The following ZMYM4 variants were observed in gnomAD, a reference collection of about 807,000 sequenced individuals.
The protein encoded by ZMYM4 is zinc finger MYM-type protein 4.
In ZMYM4, 31 loss-of-function variants were observed where a neutral mutation model predicts 183.2. That is an observed-to-expected ratio of 0.17 (90% confidence interval 0.13 to 0.23). The LOEUF (loss-of-function observed/expected upper bound fraction) is 0.23, where lower values mean the gene tolerates loss of function less well. ZMYM4 is among the 10% of genes least tolerant of loss of function. ZMYM4 has a pLI of 1.00. For missense variants in ZMYM4, 1,273 were observed against 1,840.3 expected (o/e 0.69, Z 5.64); for synonymous variants, 592 against 631.2 (o/e 0.94, Z 0.93).
At chr1:35,361,845 A>G (rs1241654424) in intron 5 of ZMYM4, 56 bp downstream of exon 5, 20 of 1,560,914 alleles carry the variant, frequency 1.3e-5, no homozygotes, top group Non-Finnish European at 1.7e-5. Context: ...TGAATTATTC[A>G]TTTGAGAGAG....
rs546754440 is a variant in ZMYM4, at chr1:35,300,354, A to T, written c.40-25006A>T. 1.7e-3 allele frequency among the ~76,000 whole-genome samples: 260 copies of T among 152,270 alleles called. 1 individual carries two copies. Among genetic ancestry groups the T allele is most frequent in the African/African-American group, 5.7e-3 (236 of 41,548 alleles). ...TACCATTTTCCCCCAGCTGCATTTA[A>T]GAATTCTCTATCACTTTTTATCAGG... is the stretch of plus-strand genomic sequence containing the variant. On this transcript the variant is annotated intron_variant, in intron 1 of 29. Transcript: ENST00000314607.
Position 35,381,303 on chromosome 1 carries a change from A to G in ZMYM4, c.1226A>G (p.Asn409Ser). The G allele has an allele frequency of 6.2e-7, 1 of 1,611,916 alleles. No individual in the cohort carries two copies. ...GATGTGATCAGTGCCCAGTTTGAAAACACCACCACTAGTAAAGATTTTTGC... is the reference window on the plus strand; with the variant it reads ...GATGTGATCAGTGCCCAGTTTGAAAGCACCACCACTAGTAAAGATTTTTGC... ...PKDVISAQFE[N>S]TTTSKDFCSQ... The change falls in exon 8 of 30, where the codon AAC becomes AGC. Residue 409 changes from asparagine (N) to serine (S), a missense_variant. Coordinates refer to ENST00000314607, the MANE Select transcript of ZMYM4 (RefSeq NM_005095.3).
intron 19 of ZMYM4, chr1:35,397,166 A>T: frequency 1.8e-6 from 2 of 1,115,288 alleles, no homozygotes; most frequent in Non-Finnish European, 2.2e-6. Flanking sequence ...ATTCAGAGAC[A>T]TAATTGGTTG....
intron 5 of ZMYM4, among the ~76,000 whole-genome samples, chr1:35,369,621 C>T (rs1337034718): frequency 6.6e-6 from 1 of 151,664 alleles, no homozygotes; most frequent in East Asian, 1.9e-4. Flanking sequence ...AAGAAATATA[C>T]CCAAAGAATA....
At chr1:35,374,615 A>G (rs1235070025) in intron 7 of ZMYM4, among the ~76,000 whole-genome samples, 1 of 151,602 alleles carries the variant, frequency 6.6e-6, no homozygotes, top group Non-Finnish European at 1.5e-5. Flanking sequence ...AGCCTGGGCA[A>G]CATAGTGAGA....
intron 1 of ZMYM4, 122 bp downstream of exon 1, chr1:35,269,207 G>A: frequency 4.1e-6 from 5 of 1,233,948 alleles, no homozygotes; most frequent in Non-Finnish European, 5.4e-6. Flanking sequence ...GTTGCGGGCA[G>A]GTCTGAGGCA....
At chr1:35,269,719 A>G (rs762926181) in intron 1 of ZMYM4, among the ~76,000 whole-genome samples, 4 of 152,182 alleles carry the variant, frequency 2.6e-5, no homozygotes, top group Non-Finnish European at 4.4e-5. Context: ...GAATACGACA[A>G]GTTTTCTCAT....
At chr1:35,371,090 TGTGTGTGTGTGTGTGTGC>T (rs759705987) in intron 7 of ZMYM4, among the ~76,000 whole-genome samples, 27 of 126,002 alleles carry the variant, frequency 2.1e-4, no homozygotes, top group African/African-American at 4.9e-4. Context: ...TGTGTGTGTG[TGTGTGTGTGTGTGTGTGC>T]GCACATTTAT....
chr1:35,390,490 G>C (rs1644681337), intron 15 of ZMYM4, among the ~76,000 whole-genome samples: 1 of 152,094 alleles, frequency 6.6e-6, no homozygotes, highest in African/African-American at 2.4e-5. Flanking sequence ...TTTGAGCCAG[G>C]ATGAGCCAGG....
At chr1:35,283,172 A>AT (rs374953287) in intron 1 of ZMYM4, among the ~76,000 whole-genome samples, 21,252 of 121,008 alleles carry the variant, frequency 0.18, 3,466 homozygotes, top group African/African-American at 0.45. Context: ...TGCCTGGCTA[A>AT]TTTTTTTTTT....
intron 2 of ZMYM4, among the ~76,000 whole-genome samples, chr1:35,357,957 G>A (rs1003704183): frequency 2.6e-5 from 4 of 152,040 alleles, no homozygotes; most frequent in Admixed American, 1.3e-4. Flanking sequence ...AAATTATAAG[G>A]CAATTAAGGA....
At chr1:35,305,130 G>C (rs751912155) in intron 1 of ZMYM4, among the ~76,000 whole-genome samples, 4 of 151,992 alleles carry the variant, frequency 2.6e-5, no homozygotes, top group Admixed American at 6.6e-5. Context: ...AGGCGTGAGC[G>C]ACTGCGCCCA....
At chr1:35,411,712 A>C (rs1639905344) in intron 26 of ZMYM4, among the ~76,000 whole-genome samples, 1 of 152,208 alleles carries the variant, frequency 6.6e-6, no homozygotes, top group Non-Finnish European at 1.5e-5. Flanking sequence ...ACATCATTAA[A>C]TCTTCTGATC....
chr1:35,392,446 T>C, intron 16 of ZMYM4, 94 bp downstream of exon 16: 3 of 1,471,852 alleles, frequency 2.0e-6, no homozygotes, highest in Non-Finnish European at 2.8e-6. Flanking sequence ...TTCATACATT[T>C]GACACATTCA....
intron 9 of ZMYM4, among the ~76,000 whole-genome samples, 190 bp downstream of exon 9, chr1:35,381,948 C>A (rs1644467084): frequency 6.6e-6 from 1 of 151,786 alleles, no homozygotes; most frequent in African/African-American, 2.4e-5. Flanking sequence ...AATTCGAGAC[C>A]AGCCTGACCA....
chr1:35,348,698 A>T (rs775669549), intron 2 of ZMYM4, among the ~76,000 whole-genome samples: 1 of 152,206 alleles, frequency 6.6e-6, no homozygotes, highest in Non-Finnish European at 1.5e-5. Flanking sequence ...AGGAGCATCT[A>T]GTAGTTTCAG....
At chr1:35,365,275 CTTTCTG>C (rs1553174118) in intron 5 of ZMYM4, among the ~76,000 whole-genome samples, 46 of 97,944 alleles carry the variant, frequency 4.7e-4, no homozygotes, top group Non-Finnish European at 7.8e-4. Flanking sequence ...GTCTACCAAT[CTTTCTG>C]TAAATAAAAG....
intron 27 of ZMYM4, 48 bp from the exon 28 acceptor site, chr1:35,415,418 C>T (rs1558204753): frequency 3.7e-6 from 6 of 1,608,664 alleles, no homozygotes; most frequent in Non-Finnish European, 5.1e-6. Flanking sequence ...ACTTAGTCTA[C>T]TTTAGCAGGA....
At chr1:35,378,098 A>T (rs1570475577) in intron 7 of ZMYM4, among the ~76,000 whole-genome samples, 1 of 152,316 alleles carries the variant, frequency 6.6e-6, no homozygotes, top group East Asian at 1.9e-4. Flanking sequence ...GCAACTCCTT[A>T]TCTGTTCAAG....
Sources: gnomAD v4.1 joint callset for allele counts (sites outside exome capture counted in the v4.1 genomes callset) on GRCh38, gnomAD v4.1.1 for gene constraint, MANE v1.5 for transcripts, NCBI Gene and HGNC (gene_info 2026-07-23, HGNC 2026-07-21) for gene names.